The following TRIP12 variants were observed in gnomAD, a reference collection of about 807,000 sequenced individuals.
TRIP12 encodes the protein thyroid hormone receptor interactor 12, also known as E3 ubiquitin-protein ligase TRIP12.
In TRIP12, 25 loss-of-function variants were observed where a neutral mutation model predicts 244.2. The ratio of observed to expected loss-of-function variants is 0.10; its 90% CI spans 0.07 to 0.14. The LOEUF (loss-of-function observed/expected upper bound fraction) is 0.14, where lower values mean the gene tolerates loss of function less well. TRIP12 is among the 10% of genes least tolerant of loss of function. TRIP12 has a pLI of 1.00. For missense variants in TRIP12, 1,677 were observed against 2,486.4 expected, an observed-to-expected ratio of 0.67 and a Z score of 6.92; for synonymous variants, 905 against 873.1, an observed-to-expected ratio of 1.04 and a Z score of -0.64.
intron 2 of TRIP12, among the ~76,000 whole-genome samples, chr2:229,865,242 G>C (rs986720752): frequency 6.7e-6 from 1 of 148,778 alleles, no homozygotes; most frequent in African/African-American, 2.5e-5. Flanking sequence ...GAGCCTAGCA[G>C]GTCAAAGCTG....
rs141358035 is a variant in TRIP12 at position 229,872,392 on chromosome 2, T to C, written c.98+7590A>G. Among the ~76,000 whole-genome samples the C allele has an allele frequency of 8.8e-3, 1,336 of 152,180 alleles. 13 individuals are homozygous for C. Among genetic ancestry groups the C allele is most frequent in the Non-Finnish European group, 0.015 (1,012 of 67,954 alleles). Reference sequence around the variant, plus strand: ...CAGCCTGGCCAACAAAGTGAAACCCTGTCTCTACTAAAAATACAAAAATTA... The same window carrying C: ...CAGCCTGGCCAACAAAGTGAAACCCCGTCTCTACTAAAAATACAAAAATTA... On this transcript the variant is annotated intron_variant, in intron 2 of 41. Coordinates refer to ENST00000675903, the MANE Select transcript of TRIP12 (RefSeq NM_001348323.3).
chr2:229,813,165 C>G (rs1323389266), intron 13 of TRIP12, among the ~76,000 whole-genome samples: 2 of 152,162 alleles, frequency 1.3e-5, no homozygotes, highest in Non-Finnish European at 2.9e-5. Flanking sequence ...GGGACATAGT[C>G]TAGTCTCTCT....
intron 37 of TRIP12, among the ~76,000 whole-genome samples, chr2:229,776,779 CTATT>C (rs1272194102): frequency 3.9e-5 from 6 of 152,098 alleles, no homozygotes; most frequent in Non-Finnish European, 7.4e-5. Context: ...AATAATTTAT[CTATT>C]GTTAATTATA....
intron 2 of TRIP12, among the ~76,000 whole-genome samples, chr2:229,868,355 C>T (rs902721789): frequency 1.3e-5 from 2 of 152,094 alleles, no homozygotes; most frequent in African/African-American, 2.4e-5. Context: ...ACACTTACGA[C>T]CACACCTGGC....
chr2:229,877,216 AAAAAT>A (rs754906926), intron 2 of TRIP12, among the ~76,000 whole-genome samples: 2 of 152,022 alleles, frequency 1.3e-5, no homozygotes, highest in Non-Finnish European at 2.9e-5. Context: ...CTCTGTCTCT[AAAAAT>A]AAAATAAAAA....
At chr2:229,784,450 A>G (rs2039355955) in intron 34 of TRIP12, among the ~76,000 whole-genome samples, 1 of 150,940 alleles carries the variant, frequency 6.6e-6, no homozygotes, top group South Asian at 2.1e-4. Flanking sequence ...AAAAACAAAT[A>G]TAAGAAAAAT....
chr2:229,821,996 C>T (rs1055071320), intron 8 of TRIP12, among the ~76,000 whole-genome samples: 5 of 152,118 alleles, frequency 3.3e-5, no homozygotes, highest in Non-Finnish European at 7.3e-5. Flanking sequence ...AAAAATTAGC[C>T]GGGCGCGGTG....
At chr2:229,774,028 G>T in intron 38 of TRIP12, 69 bp downstream of exon 38, 3 of 1,523,184 alleles carry the variant, frequency 2.0e-6, no homozygotes, top group African/African-American at 1.4e-5. Flanking sequence ...GCAGCCAGAA[G>T]CAAGGTACAA....
chr2:229,810,418 T>C (rs2046988204), intron 15 of TRIP12, among the ~76,000 whole-genome samples: 2 of 152,164 alleles, frequency 1.3e-5, no homozygotes, highest in South Asian at 4.1e-4. Flanking sequence ...GGTTTAGAAA[T>C]ACCAAATTAG....
chr2:229,845,530 A>AG (rs1358721206), intron 4 of TRIP12, among the ~76,000 whole-genome samples: 1 of 152,176 alleles, frequency 6.6e-6, no homozygotes, highest in Non-Finnish European at 1.5e-5. Flanking sequence ...CCAGACTTTG[A>AG]GGGGGAAAAA....
At chr2:229,807,976 T>G (rs2046297656) in intron 16 of TRIP12, 112 bp from the exon 17 acceptor site, 1 of 1,214,902 alleles carries the variant, frequency 8.2e-7, no homozygotes, top group Admixed American at 2.6e-5. Flanking sequence ...AGACCAATTT[T>G]TTTTTTGGAG....
At chr2:229,917,380 CAAAAAAAAAAAAAAAAA>C (rs60397605) in intron 1 of TRIP12, among the ~76,000 whole-genome samples, 91 of 29,264 alleles carry the variant, frequency 3.1e-3, no homozygotes, top group Middle Eastern at 0.023. Context: ...GACTCTGTCT[CAAAAAAAAAAAAAAAAA>C]AAAAAAAAAA....
At chr2:229,851,338 G>A (rs988588670) in intron 4 of TRIP12, among the ~76,000 whole-genome samples, 27 of 152,118 alleles carry the variant, frequency 1.8e-4, no homozygotes, top group Non-Finnish European at 4.0e-4. Flanking sequence ...CTACTCTGGT[G>A]GAGCCTTGGA....
chr2:229,811,271 C>G (rs2047180404), intron 13 of TRIP12, 67 bp from the exon 14 acceptor site: 1 of 1,465,862 alleles, frequency 6.8e-7, no homozygotes, highest in Non-Finnish European at 9.3e-7. Flanking sequence ...TGTATCACTA[C>G]TTTATCTTCC....
intron 4 of TRIP12, among the ~76,000 whole-genome samples, chr2:229,856,830 C>A (rs2059685539): frequency 6.6e-6 from 1 of 152,216 alleles, no homozygotes; most frequent in Admixed American, 6.5e-5. Context: ...CTTCAAGATA[C>A]TGATCTAGCC....
At chr2:229,917,744 A>G (rs980761427) in intron 1 of TRIP12, among the ~76,000 whole-genome samples, 3 of 152,186 alleles carry the variant, frequency 2.0e-5, no homozygotes, top group African/African-American at 7.2e-5. Flanking sequence ...AGCAGGTTGG[A>G]GTCCAGTGGC....
intron 38 of TRIP12, among the ~76,000 whole-genome samples, chr2:229,773,013 T>C (rs1467815721): frequency 6.6e-6 from 1 of 152,160 alleles, no homozygotes; most frequent in Non-Finnish European, 1.5e-5. Context: ...ACAATTTGTG[T>C]TCAATATAAA....
intron 5 of TRIP12, among the ~76,000 whole-genome samples, chr2:229,839,268 C>A (rs1052869730): frequency 6.6e-6 from 1 of 152,182 alleles, no homozygotes; most frequent in Non-Finnish European, 1.5e-5. Context: ...GGCTACCACA[C>A]GGCCTAGATG....
chr2:229,848,328 C>A (rs964424308), intron 4 of TRIP12, among the ~76,000 whole-genome samples: 7 of 129,762 alleles, frequency 5.4e-5, no homozygotes, highest in African/African-American at 1.7e-4. Flanking sequence ...CCCCCCCCGC[C>A]CCCCCCACAC....
Sources: gnomAD v4.1 joint callset for allele counts (sites outside exome capture counted in the v4.1 genomes callset) on GRCh38, gnomAD v4.1.1 for gene constraint, MANE v1.5 for transcripts, NCBI Gene and HGNC (gene_info 2026-07-23, HGNC 2026-07-21) for gene names.